Variants in GABRG3 observed in about 807,000 individuals in gnomAD.
The protein encoded by GABRG3 is gamma-aminobutyric acid receptor subunit gamma-3.
Under a neutral mutation model 48.8 loss-of-function variants are expected in GABRG3, and 25 were observed. The observed-to-expected ratio is 0.51, with a 90% CI of 0.37 to 0.72. The LOEUF is 0.72. GABRG3 is among the 30% of genes least tolerant of loss of function. The pLI is 0.00. For missense variants in GABRG3, 394 were observed against 577.9 expected (o/e 0.68, Z 3.26); for synonymous variants, 227 against 217.6 (o/e 1.04, Z -0.38).
intron 5 of GABRG3, among the ~76,000 whole-genome samples, chr15:27,449,094 T>C (rs1889031713): frequency 6.6e-6 from 1 of 152,332 alleles, no homozygotes; most frequent in South Asian, 2.1e-4. Flanking sequence ...TTCCTTTCTT[T>C]TCGTGCTAAT....
At chr15:27,467,637 T>G (rs906636328) in intron 5 of GABRG3, among the ~76,000 whole-genome samples, 1 of 152,244 alleles carries the variant, frequency 6.6e-6, no homozygotes, top group Non-Finnish European at 1.5e-5. Context: ...ATTGGCTAAA[T>G]ATAGCCTTTA....
In GABRG3 at chr15:27,534,729, G is replaced by A. The variant is rs1168045020; in HGVS notation, c.*1848G>A. On this transcript the variant is annotated 3_prime_UTR_variant, in exon 10 of 10. Transcript: ENST00000615808. The stretch of plus-strand genomic sequence containing the variant: ...GGGAGCAGAAGAGGCCAGAAAAAGT[G>A]AAATTAGATTCATCTGCTTATTCCT... The A allele has an allele frequency of 6.6e-6, 1 of 152,198 alleles. No individual in the cohort carries two copies. The highest frequency in any genetic ancestry group is 2.4e-5 in the African/African-American group (1 of 41,456). 9.4% of individuals were successfully genotyped at this position (152,198 alleles called of 1,614,324 possible). A position where few individuals can be genotyped will look rare whatever the true frequency, so the allele number is the denominator to read the frequency against.
intron 3 of GABRG3, among the ~76,000 whole-genome samples, chr15:27,038,447 A>T (rs2093288413): frequency 1.3e-5 from 2 of 152,116 alleles, no homozygotes; most frequent in Non-Finnish European, 2.9e-5. Flanking sequence ...TGGGAGTTTG[A>T]TGAGTTTCTT....
intron 2 of GABRG3, among the ~76,000 whole-genome samples, chr15:26,989,238 T>C (rs1159608308): frequency 1.3e-5 from 2 of 152,234 alleles, no homozygotes; most frequent in African/African-American, 4.8e-5. Context: ...TCAGTACTTC[T>C]TTCATCTTAT....
At chr15:27,485,288 A>G (rs1890194574) in intron 6 of GABRG3, among the ~76,000 whole-genome samples, 1 of 152,174 alleles carries the variant, frequency 6.6e-6, no homozygotes, top group Admixed American at 6.5e-5. Context: ...CCTATAAGCC[A>G]TTATCTCAGA....
At chr15:27,062,728 G>C (rs1241988748) in intron 3 of GABRG3, among the ~76,000 whole-genome samples, 1 of 152,166 alleles carries the variant, frequency 6.6e-6, no homozygotes, top group Non-Finnish European at 1.5e-5. Flanking sequence ...CCTTTAACCA[G>C]ATGTTTTATG....
Position 27,538,397 on chromosome 15 carries a change from A to G in GABRG3, c.*5516A>G, listed in dbSNP as rs539616657. 38 of 152,378 alleles carry G rather than the reference A, an allele frequency of 2.5e-4. No individual in the cohort carries two copies. Among genetic ancestry groups the G allele is most frequent in the African/African-American group, 7.7e-4 (32 of 41,590 alleles). 9.4% of individuals were successfully genotyped at this position (152,378 alleles called of 1,614,324 possible). A position where few individuals can be genotyped will look rare whatever the true frequency, so the allele number is the denominator to read the frequency against. ...TAGAAAATAATTAGGCAGACAAAAC[A>G]TATGTTCTCACACACACACCACTTC... On this transcript the variant is annotated 3_prime_UTR_variant, in exon 10 of 10. Coordinates refer to ENST00000615808, the MANE Select transcript of GABRG3 (RefSeq NM_033223.5).
At chr15:27,011,369 TC>T (rs1474185491) in intron 2 of GABRG3, among the ~76,000 whole-genome samples, 1 of 152,218 alleles carries the variant, frequency 6.6e-6, no homozygotes, top group Admixed American at 6.5e-5. Flanking sequence ...TCCTGGCTTC[TC>T]TTCCTCCTTC....
chr15:27,296,000 A>T (rs1891970858), intron 3 of GABRG3, among the ~76,000 whole-genome samples: 1 of 152,100 alleles, frequency 6.6e-6, no homozygotes. Flanking sequence ...CCTACAAGTG[A>T]ATTGTGGCAG....
rs189635750 is a variant in GABRG3 at position 27,040,168 on chromosome 15, C to T, written c.270+13347C>T. Among the ~76,000 whole-genome samples, 12 of 152,336 alleles carry T rather than the reference C, an allele frequency of 7.9e-5. No homozygotes were observed. In the East Asian group the frequency reaches 2.3e-3, roughly 29 times the overall value. On this transcript the variant is annotated intron_variant, in intron 3 of 9. Coordinates refer to ENST00000615808, the MANE Select transcript of GABRG3 (RefSeq NM_033223.5). ...CCCAGGCAGGTGGGGGTCCAGAGGA[C>T]GCATTTCCACTTGCTGTGTTCGGGG... is the stretch of plus-strand genomic sequence containing the variant.
At chr15:27,326,265 T>G (rs1893610744) in intron 3 of GABRG3, among the ~76,000 whole-genome samples, 1 of 152,228 alleles carries the variant, frequency 6.6e-6, no homozygotes, top group Non-Finnish European at 1.5e-5. Context: ...TTTCTTACTT[T>G]TCTTTTTGTT....
chr15:27,108,577 C>G (rs763409726), intron 3 of GABRG3, among the ~76,000 whole-genome samples: 22 of 152,182 alleles, frequency 1.4e-4, no homozygotes, highest in Non-Finnish European at 2.8e-4. Context: ...TATTCAATAA[C>G]TGTCAGTTAG....
chr15:27,080,955 G>A (rs980948034), intron 3 of GABRG3, among the ~76,000 whole-genome samples: 5 of 152,168 alleles, frequency 3.3e-5, no homozygotes, highest in African/African-American at 1.2e-4. Context: ...GGGTGGTGGT[G>A]GGGAGGGGGA....
intron 5 of GABRG3, among the ~76,000 whole-genome samples, chr15:27,450,082 C>A (rs1330863377): frequency 1.3e-5 from 2 of 152,194 alleles, no homozygotes; most frequent in East Asian, 3.8e-4. Flanking sequence ...TCCAGAGAAA[C>A]TGCCCGCTCC....
intron 3 of GABRG3, among the ~76,000 whole-genome samples, chr15:27,076,232 C>T (rs536866068): frequency 6.6e-6 from 1 of 152,126 alleles, no homozygotes; most frequent in Non-Finnish European, 1.5e-5. Context: ...GTGATGTCCC[C>T]CAAAACATCC....
At chr15:27,172,133 A>G (rs1388132155) in intron 3 of GABRG3, among the ~76,000 whole-genome samples, 3 of 152,174 alleles carry the variant, frequency 2.0e-5, no homozygotes, top group African/African-American at 7.2e-5. Flanking sequence ...TTACAATGGG[A>G]GTTAAATTTC....
In GABRG3 at chr15:27,351,176, TTGTG is replaced by T. The variant is rs927113214; in HGVS notation, c.574+22292_574+22295del. On this transcript the variant is annotated intron_variant, in intron 5 of 9. Coordinates refer to ENST00000615808, the MANE Select transcript of GABRG3 (RefSeq NM_033223.5). ...TATGGTGCATGTGCGTATGGTGTAT[TTGTG>T]TGTATGTATGGTATGTTTGTGTGTA... Among the ~76,000 whole-genome samples the T allele has an allele frequency of 9.0e-5, 13 of 144,596 alleles. No individual in the cohort carries two copies. The East Asian group carries it at 1.1e-3, about 12-fold the overall frequency. 94.9% of individuals were successfully genotyped at this position (144,596 alleles called of 152,430 possible).
intron 3 of GABRG3, among the ~76,000 whole-genome samples, chr15:27,061,846 C>T (rs760086020): frequency 2.2e-4 from 34 of 152,276 alleles, no homozygotes; most frequent in Admixed American, 1.2e-3. Context: ...ACCCCTCTCC[C>T]GCCCCGTGTG....
Position 26,971,339 on chromosome 15 carries a change from G to A in GABRG3, c.-197G>A. ...CGGGTGGGGGCGGCGCGCCGCGGTGGCCCGGCGTCCCGTGTGCGTCCAGTG... is the reference window on the plus strand; with the variant it reads ...CGGGTGGGGGCGGCGCGCCGCGGTGACCCGGCGTCCCGTGTGCGTCCAGTG... On this transcript the variant is annotated 5_prime_UTR_variant, in exon 1 of 10. Coordinates refer to ENST00000615808, the MANE Select transcript of GABRG3 (RefSeq NM_033223.5). 1 of 329,430 alleles carries A rather than the reference G, an allele frequency of 3.0e-6. No homozygotes were observed. The highest frequency in any genetic ancestry group is 5.4e-6 in the Non-Finnish European group (1 of 184,916). 20.4% of individuals were successfully genotyped at this position (329,430 alleles called of 1,614,324 possible). A position where few individuals can be genotyped will look rare whatever the true frequency, so the allele number is the denominator to read the frequency against.
Sources: allele counts gnomAD v4.1 joint callset (sites outside exome capture counted in the v4.1 genomes callset), GRCh38; gene constraint gnomAD v4.1.1; transcripts MANE v1.5; gene names NCBI Gene and HGNC (gene_info 2026-07-23, HGNC 2026-07-21).